SORCS2: variants seen among roughly 807,000 people sequenced by gnomAD.
SORCS2 encodes VPS10 domain-containing receptor SorCS2.
Under a neutral mutation model 141.6 loss-of-function variants are expected in SORCS2, and 100 were observed. The ratio of observed to expected loss-of-function variants is 0.71; its 90% CI spans 0.60 to 0.83. The LOEUF (loss-of-function observed/expected upper bound fraction) is 0.83. Ranked by LOEUF, SORCS2 falls within the 40% of genes least tolerant of loss-of-function variation. SORCS2 has a pLI of 0.00. For missense variants in SORCS2, 1,646 were observed against 1,560.2 expected (o/e 1.05, Z -0.93); for synonymous variants, 789 against 676.9 (o/e 1.17, Z -2.57).
At chr4:7,669,493 A>G (rs1277651866) in intron 8 of SORCS2, among the ~76,000 whole-genome samples, 2 of 152,142 alleles carry the variant, frequency 1.3e-5, no homozygotes, top group Non-Finnish European at 2.9e-5. Flanking sequence ...CTCTCCACCC[A>G]GGTCAGGACA....
At chr4:7,603,042 G>T (rs1285478884) in intron 3 of SORCS2, among the ~76,000 whole-genome samples, 5 of 152,172 alleles carry the variant, frequency 3.3e-5, no homozygotes, top group African/African-American at 1.2e-4. Flanking sequence ...GCCTGCAATC[G>T]CAGGCACTCC....
Position 7,519,334 on chromosome 4 carries a change from C to T in SORCS2, c.549-12196C>T, listed in dbSNP as rs372782822. ...ATTTTAAGACCTCCAGACATAAAAC[C>T]AGCGAGAACCACAATGCCACTTCCC... On this transcript the variant is annotated intron_variant, in intron 2 of 26. Coordinates refer to ENST00000507866, the MANE Select transcript of SORCS2 (RefSeq NM_020777.3). 2.6e-5 allele frequency among the ~76,000 whole-genome samples: 4 copies of T among 152,214 alleles called. No homozygotes were observed. In the South Asian group the frequency reaches 6.2e-4, roughly 24 times the overall value.
intron 1 of SORCS2, among the ~76,000 whole-genome samples, chr4:7,385,366 C>G (rs1723227268): frequency 6.6e-6 from 1 of 152,232 alleles, no homozygotes; most frequent in African/African-American, 2.4e-5. Context: ...ATGCCCAGCA[C>G]TGAGCCAGCT....
rs145675937 is a variant in SORCS2, at chr4:7,702,830, C to T, written c.1669-450C>T. On this transcript the variant is annotated intron_variant, in intron 12 of 26. Coordinates refer to ENST00000507866, the MANE Select transcript of SORCS2 (RefSeq NM_020777.3). ...CCAGGGGCTTGGAGCCCAGAGGCCA[C>T]TCCCCACTCAGTCTGGCATCAGGGA... 1.7e-3 allele frequency among the ~76,000 whole-genome samples: 253 copies of T among 152,378 alleles called. 3 individuals carry two copies. The highest frequency in any genetic ancestry group is 2.5e-3 in the Admixed American group (39 of 15,310).
At chr4:7,661,692 C>G (rs530989341) in intron 6 of SORCS2, 128 bp downstream of exon 6, 2 of 823,690 alleles carry the variant, frequency 2.4e-6, no homozygotes, top group African/African-American at 1.8e-5. Context: ...CACTGTGTCT[C>G]GATGTGGCAT....
At chr4:7,454,836 T>A (rs1728766371) in intron 2 of SORCS2, among the ~76,000 whole-genome samples, 1 of 132,992 alleles carries the variant, frequency 7.5e-6, no homozygotes. Context: ...TCTGGTGCTG[T>A]GTGTTGGGGT....
At chr4:7,211,459 C>T (rs531753582) in intron 1 of SORCS2, among the ~76,000 whole-genome samples, 8 of 152,174 alleles carry the variant, frequency 5.3e-5, no homozygotes, top group Admixed American at 1.3e-4. Flanking sequence ...GCGCGATCTC[C>T]GCCTCCTGGG....
intron 2 of SORCS2, among the ~76,000 whole-genome samples, chr4:7,489,526 C>T (rs1181383494): frequency 6.6e-6 from 1 of 151,914 alleles, no homozygotes; most frequent in African/African-American, 2.4e-5. Context: ...TGTAAACTGT[C>T]CCCGGCCCTC....
chr4:7,562,041 A>G (rs556426519), intron 3 of SORCS2, among the ~76,000 whole-genome samples: 2 of 152,264 alleles, frequency 1.3e-5, no homozygotes, highest in African/African-American at 2.4e-5. Context: ...TGTGGTGGTT[A>G]CTGGTGACTT....
At chr4:7,720,169 T>A (rs1273597161) in intron 18 of SORCS2, among the ~76,000 whole-genome samples, 1 of 152,176 alleles carries the variant, frequency 6.6e-6, no homozygotes, top group African/African-American at 2.4e-5. Flanking sequence ...CAAACAGCAC[T>A]GGGTTTAGGG....
At chr4:7,565,251 A>G (rs1471766641) in intron 3 of SORCS2, among the ~76,000 whole-genome samples, 1 of 152,224 alleles carries the variant, frequency 6.6e-6, no homozygotes, top group Non-Finnish European at 1.5e-5. Context: ...ACCCTGAGAC[A>G]GAAACTCCCA....
chr4:7,419,223 A>C (rs917058772), intron 2 of SORCS2, among the ~76,000 whole-genome samples: 3 of 152,224 alleles, frequency 2.0e-5, no homozygotes, highest in Non-Finnish European at 4.4e-5. Flanking sequence ...GTATGAGGCT[A>C]GTTCCCAACT....
intron 1 of SORCS2, among the ~76,000 whole-genome samples, chr4:7,367,849 A>C (rs1019856695): frequency 6.6e-6 from 1 of 152,238 alleles, no homozygotes; most frequent in Non-Finnish European, 1.5e-5. Context: ...GCAGAGGCCC[A>C]AAATCTGACC....
chr4:7,673,044 C>T (rs997881601), intron 8 of SORCS2, among the ~76,000 whole-genome samples: 5 of 152,324 alleles, frequency 3.3e-5, no homozygotes, highest in Admixed American at 3.3e-4. Context: ...GTCTTACATC[C>T]TTCATGTAAA....
Position 7,252,729 on chromosome 4 carries a change from C to A in SORCS2, c.480+59603C>A, listed in dbSNP as rs566225468. Among the ~76,000 whole-genome samples the A allele has an allele frequency of 2.6e-5, 4 of 152,282 alleles. No homozygotes were observed. In the South Asian group the frequency reaches 8.3e-4, roughly 32 times the overall value. The stretch of plus-strand genomic sequence containing the variant: ...ATTGTGCCGGTCTGACAGGCGTCAG[C>A]CAGGACTGTTGCAGGCATGGAGGGC... On this transcript the variant is annotated intron_variant, in intron 1 of 26. Coordinates refer to ENST00000507866, the MANE Select transcript of SORCS2 (RefSeq NM_020777.3).
intron 3 of SORCS2, among the ~76,000 whole-genome samples, chr4:7,598,562 C>T (rs1027966935): frequency 6.6e-6 from 1 of 152,124 alleles, no homozygotes; most frequent in Non-Finnish European, 1.5e-5. Flanking sequence ...AAACTCCTAC[C>T]TTGGGCAAGG....
chr4:7,389,737 G>C (rs1723736631), intron 1 of SORCS2, among the ~76,000 whole-genome samples: 2 of 152,100 alleles, frequency 1.3e-5, no homozygotes, highest in African/African-American at 4.8e-5. Context: ...AAAGGGGAGA[G>C]CATAGCGATC....
At chr4:7,331,083 A>C (rs1172886529) in intron 1 of SORCS2, among the ~76,000 whole-genome samples, 1 of 143,146 alleles carries the variant, frequency 7.0e-6, no homozygotes, top group Non-Finnish European at 1.5e-5. Context: ...GGTGTGCTCC[A>C]GGGCCAGGGA....
chr4:7,698,375 A>C (rs1337010593), intron 12 of SORCS2, among the ~76,000 whole-genome samples: 1 of 152,246 alleles, frequency 6.6e-6, no homozygotes, highest in African/African-American at 2.4e-5. Flanking sequence ...CTTCACCTGC[A>C]GCCTGGGTTG....
Sources: allele counts gnomAD v4.1 joint callset (sites outside exome capture counted in the v4.1 genomes callset), GRCh38; gene constraint gnomAD v4.1.1; transcripts MANE v1.5; gene names NCBI Gene and HGNC (gene_info 2026-07-23, HGNC 2026-07-21).